ERC2: variants seen among roughly 807,000 people sequenced by gnomAD.
ERC2 encodes ELKS/RAB6-interacting/CAST family member 2.
Under a neutral mutation model 114.8 loss-of-function variants are expected in ERC2, and 42 were observed. That is an observed-to-expected ratio of 0.37 (90% CI 0.29 to 0.47). ERC2 has a LOEUF of 0.47. Among genes scored for constraint, ERC2 ranks in the 20% least tolerant of loss-of-function variants. The pLI, the probability that ERC2 is intolerant of heterozygous loss-of-function variation, is 0.99. For synonymous variants in ERC2, 454 were observed against 425.5 expected, an observed-to-expected ratio of 1.07 and a Z score of -0.82; for missense variants, 939 against 1,150.7, an observed-to-expected ratio of 0.82 and a Z score of 2.66.
chr3:55,662,682 G>T (rs2061187470), intron 17 of ERC2, among the ~76,000 whole-genome samples: 1 of 152,180 alleles, frequency 6.6e-6, no homozygotes, highest in South Asian at 2.1e-4. Context: ...ATTGAGTCAT[G>T]AATGTAGATT....
At chr3:55,541,719 A>T (rs1221517467) in intron 17 of ERC2, among the ~76,000 whole-genome samples, 2 of 152,212 alleles carry the variant, frequency 1.3e-5, no homozygotes, top group Non-Finnish European at 2.9e-5. Flanking sequence ...TTGTGAGGCT[A>T]AGTGTCTACA....
At chr3:55,681,021 C>T (rs2062030681) in intron 17 of ERC2, among the ~76,000 whole-genome samples, 1 of 151,950 alleles carries the variant, frequency 6.6e-6, no homozygotes, top group South Asian at 2.1e-4. Context: ...CTGTGGACTG[C>T]ACAGGCCATA....
chr3:55,657,521 T>A (rs1163674313), intron 17 of ERC2: 1 of 152,272 alleles, frequency 6.6e-6, no homozygotes, highest in Non-Finnish European at 1.5e-5. Flanking sequence ...AGTGGCATGA[T>A]CTCAACTCAC....
At chr3:56,410,430 T>C (rs903163923) in intron 2 of ERC2, among the ~76,000 whole-genome samples, 1 of 152,208 alleles carries the variant, frequency 6.6e-6, no homozygotes, top group African/African-American at 2.4e-5. Context: ...ATAACTAACA[T>C]TTACTGAGCA....
At chr3:56,059,723 T>C (rs1029862220) in intron 7 of ERC2, among the ~76,000 whole-genome samples, 2 of 152,218 alleles carry the variant, frequency 1.3e-5, no homozygotes, top group Non-Finnish European at 2.9e-5. Context: ...AACAAAAAAC[T>C]GTGCTTCAAT....
At chr3:56,311,255 C>CTCTCTATATATATATA (rs1314796268) in intron 2 of ERC2, among the ~76,000 whole-genome samples, 3 of 79,062 alleles carry the variant, frequency 3.8e-5, no homozygotes, top group African/African-American at 1.7e-4. Flanking sequence ...CTCTCTCTCT[C>CTCTCTATATATATATA]TATATATATA....
chr3:56,172,672 T>C (rs1159859327), intron 4 of ERC2, among the ~76,000 whole-genome samples: 2 of 152,222 alleles, frequency 1.3e-5, no homozygotes, highest in Non-Finnish European at 2.9e-5. Context: ...TCAAGAATTA[T>C]TTATTATTGA....
At chr3:56,213,031 G>C (rs974228824) in intron 3 of ERC2, among the ~76,000 whole-genome samples, 1 of 152,202 alleles carries the variant, frequency 6.6e-6, no homozygotes, top group Non-Finnish European at 1.5e-5. Flanking sequence ...TTTGGGGAAA[G>C]GGTGGGAGGG....
chr3:56,258,991 G>A (rs1434486848), intron 3 of ERC2, among the ~76,000 whole-genome samples: 2 of 52,778 alleles, frequency 3.8e-5, no homozygotes, highest in Non-Finnish European at 9.6e-5. Context: ...TTTTTTTTTT[G>A]AGACTGAGTT....
At chr3:56,356,964 C>T (rs4974203) in intron 2 of ERC2, among the ~76,000 whole-genome samples, 34,919 of 152,034 alleles carry the variant, frequency 0.23, 4,447 homozygotes, top group Admixed American at 0.28. Context: ...GAACACAAAC[C>T]CACAACTGTC....
intron 17 of ERC2, among the ~76,000 whole-genome samples, chr3:55,622,135 G>T (rs1480317587): frequency 6.6e-6 from 1 of 152,190 alleles, no homozygotes; most frequent in Non-Finnish European, 1.5e-5. Flanking sequence ...AGACATAACT[G>T]TTTGAAAATC....
intron 12 of ERC2, among the ~76,000 whole-genome samples, chr3:55,981,416 A>G (rs1403482980): frequency 2.0e-5 from 3 of 152,186 alleles, no homozygotes; most frequent in Non-Finnish European, 4.4e-5. Flanking sequence ...GGTTTTTCCA[A>G]TTATTAGTAT....
In ERC2 at chr3:56,148,968, G is replaced by T. The variant is rs553628178; in HGVS notation, c.1305+9C>A. 6.2e-7 allele frequency: 1 copy of T among 1,612,496 alleles called. No homozygotes were observed. The highest frequency in any genetic ancestry group is 1.7e-5 in the Admixed American group (1 of 59,898). ...TAAGAACATAAAAGTTTATAACCCTGGACCGTACCTTGGTCTTCATAAACT... is the reference window on the plus strand; with the variant it reads ...TAAGAACATAAAAGTTTATAACCCTTGACCGTACCTTGGTCTTCATAAACT... On this transcript the variant is annotated intron_variant, in intron 5 of 17. Coordinates refer to ENST00000288221, the MANE Select transcript of ERC2 (RefSeq NM_015576.3).
chr3:55,937,078 C>T (rs1014575880), intron 13 of ERC2, among the ~76,000 whole-genome samples: 18 of 152,256 alleles, frequency 1.2e-4, no homozygotes, highest in Admixed American at 5.2e-4. Context: ...CAGTGGCTCA[C>T]GCCTGTAATT....
rs531265136 is a variant in ERC2 at position 56,183,425 on chromosome 3, G to A, written c.1075-9905C>T. Among the ~76,000 whole-genome samples the A allele has an allele frequency of 1.2e-4, 19 of 152,268 alleles. No individual in the cohort carries two copies. The South Asian group carries it at 2.3e-3, about 18-fold the overall frequency. On this transcript the variant is annotated intron_variant, in intron 3 of 17. Coordinates refer to ENST00000288221, the MANE Select transcript of ERC2 (RefSeq NM_015576.3). ...TCATGGATGTCACAGCTATTTCATC[G>A]CGTAGAGAGGTTGGGATAAATATAT...
At chr3:56,125,756 A>G (rs1242743663) in intron 6 of ERC2, among the ~76,000 whole-genome samples, 1 of 152,188 alleles carries the variant, frequency 6.6e-6, no homozygotes, top group Non-Finnish European at 1.5e-5. Flanking sequence ...CTGAGTCGAT[A>G]AAAGGTCTGA....
intron 14 of ERC2, among the ~76,000 whole-genome samples, chr3:55,768,333 T>G (rs1233499196): frequency 6.6e-6 from 1 of 152,212 alleles, no homozygotes; most frequent in Non-Finnish European, 1.5e-5. Flanking sequence ...AGTCAGTGCC[T>G]TCACATCCAT....
At chr3:55,816,801 G>A (rs2059920105) in intron 14 of ERC2, among the ~76,000 whole-genome samples, 1 of 152,064 alleles carries the variant, frequency 6.6e-6, no homozygotes, top group Admixed American at 6.6e-5. Flanking sequence ...CCCCAAGCAG[G>A]CAAAGCAGGC....
At chr3:56,346,048 T>C (rs1014538360) in intron 2 of ERC2, among the ~76,000 whole-genome samples, 1 of 152,222 alleles carries the variant, frequency 6.6e-6, no homozygotes, top group Non-Finnish European at 1.5e-5. Context: ...TCCCAGGAGA[T>C]GAATCCCTGG....
Sources: allele counts gnomAD v4.1 joint callset (sites outside exome capture counted in the v4.1 genomes callset), GRCh38; gene constraint gnomAD v4.1.1; transcripts MANE v1.5; gene names NCBI Gene and HGNC (gene_info 2026-07-23, HGNC 2026-07-21).